CDC73: variants seen among roughly 807,000 people sequenced by gnomAD.
CDC73 encodes the protein cell division cycle 73.
A neutral mutation model predicts 83.7 loss-of-function variants in CDC73; 21 were observed. That is an observed-to-expected ratio of 0.25 (90% CI 0.18 to 0.36). The LOEUF is 0.36. Among genes scored for constraint, CDC73 ranks in the 10% least tolerant of loss-of-function variants. The pLI is 1.00. For synonymous variants in CDC73, 224 were observed against 212.9 expected (o/e 1.05, Z -0.45); for missense variants, 342 against 653.3 (o/e 0.52, Z 5.19).
intron 12 of CDC73, 81 bp from the exon 13 acceptor site, chr1:193,212,309 T>C (rs1677293320): frequency 1.0e-6 from 1 of 969,596 alleles, no homozygotes; most frequent in Admixed American, 2.3e-5. Context: ...AGTTACAATT[T>C]ATAATCTTTT....
chr1:193,130,054 G>T, intron 2 of CDC73, 120 bp from the exon 3 acceptor site: 1 of 656,514 alleles, frequency 1.5e-6, no homozygotes. Context: ...TTACAAATGT[G>T]ATTTAAAATA....
chr1:193,141,808 G>C (rs751632215), intron 6 of CDC73, 42 bp from the exon 7 acceptor site: 46 of 1,237,678 alleles, frequency 3.7e-5, no homozygotes, highest in Non-Finnish European at 5.3e-5. Flanking sequence ...ATACACTCCA[G>C]GAATGCCTGC....
intron 15 of CDC73, among the ~76,000 whole-genome samples, chr1:193,238,010 GC>G (rs1180216887): frequency 1.3e-5 from 2 of 152,114 alleles, no homozygotes; most frequent in Non-Finnish European, 2.9e-5. Context: ...CTACTTGCTT[GC>G]CTTGTTGAAT....
At chr1:193,150,190 G>T in intron 8 of CDC73, 114 bp from the exon 9 acceptor site, 1 of 733,702 alleles carries the variant, frequency 1.4e-6, no homozygotes, top group Non-Finnish European at 2.4e-6. Flanking sequence ...AGGATCACTT[G>T]GGCCCAGGAG....
At chr1:193,138,436 T>C (rs1317327784) in intron 6 of CDC73, among the ~76,000 whole-genome samples, 1 of 152,220 alleles carries the variant, frequency 6.6e-6, no homozygotes, top group East Asian at 1.9e-4. Context: ...CATTTTATGT[T>C]ACCTCTTATT....
At chr1:193,131,172 C>T (rs138828549) in intron 3 of CDC73, among the ~76,000 whole-genome samples, 1,862 of 152,258 alleles carry the variant, frequency 0.012, 19 homozygotes, top group South Asian at 0.034. Flanking sequence ...AAATTTAACA[C>T]TGAAAATGGA....
intron 13 of CDC73, among the ~76,000 whole-genome samples, chr1:193,223,308 A>C (rs1321070491): frequency 6.6e-6 from 1 of 151,810 alleles, no homozygotes; most frequent in Non-Finnish European, 1.5e-5. Flanking sequence ...AAATTCTTTG[A>C]TCTCCAAGTG....
chr1:193,143,667 TG>T (rs1171799949), intron 7 of CDC73, among the ~76,000 whole-genome samples: 1 of 152,212 alleles, frequency 6.6e-6, no homozygotes, highest in African/African-American at 2.4e-5. Context: ...TGTTTTTATC[TG>T]GTAAACTCTA....
intron 8 of CDC73, among the ~76,000 whole-genome samples, chr1:193,149,078 ATACTTT>A (rs1346239837): frequency 6.6e-6 from 1 of 152,142 alleles, no homozygotes; most frequent in Non-Finnish European, 1.5e-5. Flanking sequence ...AATTAGATAA[ATACTTT>A]TAGTTGACTC....
intron 14 of CDC73, among the ~76,000 whole-genome samples, chr1:193,235,999 C>G (rs1383137014): frequency 6.6e-6 from 1 of 152,060 alleles, no homozygotes; most frequent in Non-Finnish European, 1.5e-5. Flanking sequence ...CGAGTATTGT[C>G]CATTGAATTA....
intron 10 of CDC73, among the ~76,000 whole-genome samples, chr1:193,170,070 A>G (rs1006134135): frequency 1.3e-5 from 2 of 151,672 alleles, no homozygotes; most frequent in African/African-American, 4.8e-5. Context: ...TTCCTGTGTT[A>G]GTTTGCTAAG....
At chr1:193,246,872 A>G (rs1237022520) in intron 15 of CDC73, among the ~76,000 whole-genome samples, 1 of 152,056 alleles carries the variant, frequency 6.6e-6, no homozygotes, top group Non-Finnish European at 1.5e-5. Flanking sequence ...TCCCTACATT[A>G]TTTTGCACGA....
chr1:193,149,316 A>G (rs560491360), intron 8 of CDC73, among the ~76,000 whole-genome samples: 1 of 151,466 alleles, frequency 6.6e-6, no homozygotes, highest in Non-Finnish European at 1.5e-5. Context: ...CTCAGGGTTT[A>G]GTTAGATTCT....
rs568250544 is a variant in CDC73 at position 193,141,763 on chromosome 1, C to T, written c.513-87C>T. On this transcript the variant is annotated intron_variant, in intron 6 of 16. Coordinates refer to ENST00000367435, the MANE Select transcript of CDC73 (RefSeq NM_024529.5). ...AATTATTGCCATGTAAGTGTTTTTA[C>T]CAGAAATTTATAAATGTAACAAAAT... The T allele has an allele frequency of 1.6e-5, 14 of 887,154 alleles. No homozygotes were observed. In the African/African-American group the frequency reaches 2.0e-4, roughly 13 times the overall value. The allele number at this position is 887,154 out of a possible 1,614,324, so 55.0% of individuals were successfully genotyped here.
intron 13 of CDC73, among the ~76,000 whole-genome samples, chr1:193,229,316 C>T (rs1403935142): frequency 1.3e-5 from 2 of 152,214 alleles, no homozygotes; most frequent in Non-Finnish European, 2.9e-5. Flanking sequence ...AACTACCCTG[C>T]TGTATACTGA....
intron 1 of CDC73, 148 bp from the exon 2 acceptor site, chr1:193,124,964 C>A: frequency 1.5e-6 from 1 of 653,312 alleles, no homozygotes; most frequent in Non-Finnish European, 2.8e-6. Flanking sequence ...GTGATCATGA[C>A]AGTCTATTCA....
At chr1:193,144,096 T>G in intron 7 of CDC73, among the ~76,000 whole-genome samples, 1 of 116,258 alleles carries the variant, frequency 8.6e-6, no homozygotes, top group Non-Finnish European at 1.7e-5. Context: ...GGTGACAGAG[T>G]GAGACTCTGT....
chr1:193,151,674 G>C (rs1676114141), intron 9 of CDC73, among the ~76,000 whole-genome samples: 1 of 152,202 alleles, frequency 6.6e-6, no homozygotes, highest in East Asian at 1.9e-4. Context: ...TGTAATCCCA[G>C]CACTTTTGGA....
chr1:193,150,312 T>A lies in CDC73; in HGVS notation c.837T>A (p.Thr279=). The A allele has an allele frequency of 6.2e-7, 1 of 1,609,438 alleles. No homozygotes were observed. The change falls in exon 9 of 17, where the codon ACT becomes ACA. Residue 279 remains threonine, a synonymous_variant. Coordinates refer to ENST00000367435, the MANE Select transcript of CDC73 (RefSeq NM_024529.5). ...PAPNAAPVDP[T]LRTKQPIPAA... The stretch of plus-strand genomic sequence containing the variant: ...AATTAATTTTTTTACAGGATCCCAC[T>A]TTGCGCACCAAACAGCCTATCCCAG...
Sources: allele counts gnomAD v4.1 joint callset (sites outside exome capture counted in the v4.1 genomes callset), GRCh38; gene constraint gnomAD v4.1.1; transcripts MANE v1.5; gene names NCBI Gene and HGNC (gene_info 2026-07-23, HGNC 2026-07-21).